The following ABCA13 variants were observed in gnomAD, a reference collection of about 807,000 sequenced individuals.
The protein encoded by ABCA13 is ATP binding cassette subfamily A member 13.
A neutral mutation model predicts 478.7 loss-of-function variants in ABCA13; 476 were observed. The observed-to-expected ratio is 0.99, with a 90% CI of 0.92 to 1.07. The LOEUF is 1.07. Among genes scored for constraint, ABCA13 ranks in the 50% least tolerant of loss-of-function variants. The pLI, the probability that ABCA13 is intolerant of heterozygous loss-of-function variation, is 0.00. For synonymous variants in ABCA13, 2,252 were observed against 2,158.9 expected, an observed-to-expected ratio of 1.04 and a Z score of -1.20; for missense variants, 6,060 against 5,910.6, an observed-to-expected ratio of 1.03 and a Z score of -0.83.
intron 22 of ABCA13, among the ~76,000 whole-genome samples, chr7:48,297,940 AT>A (rs35586036): frequency 0.36 from 47,850 of 131,112 alleles, 7,957 homozygotes; most frequent in East Asian, 0.55. Context: ...ATGCCCGGCT[AT>A]TTTTTTTTTT....
At chr7:48,198,450 G>A in intron 3 of ABCA13, 90 bp downstream of exon 3, 1 of 1,466,244 alleles carries the variant, frequency 6.8e-7, no homozygotes, top group Non-Finnish European at 9.3e-7. Context: ...CAATAATTTG[G>A]GATAGGTCAG....
chr7:48,567,792 G>T (rs916580111), intron 55 of ABCA13, among the ~76,000 whole-genome samples: 4 of 151,704 alleles, frequency 2.6e-5, no homozygotes, highest in African/African-American at 9.7e-5. Flanking sequence ...TTACTTGTTT[G>T]TGAATTTTAT....
rs1388882446 is a variant in ABCA13, at chr7:48,245,525, C to G, written c.1404C>G (p.Cys468Trp). ...NLHFVQEVLI[C>W]LETSANDFKW... Reference sequence around the variant, plus strand: ...TCTACTTTGCAGAAGTCCTCATTTGCCTGGAGACATCAGCTAATGATTTTA... The same window carrying G: ...TCTACTTTGCAGAAGTCCTCATTTGGCTGGAGACATCAGCTAATGATTTTA... Residue 468 changes from cysteine (C) to tryptophan (W), a missense_variant, in exon 12 of 62, where the codon TGC (cysteine) becomes TGG (tryptophan). This residue lies in a region of ABCA13 where 4,423 missense variants were observed against 4,309.1 expected (regional missense o/e 1.03). Coordinates refer to ENST00000435803, the MANE Select transcript of ABCA13 (RefSeq NM_152701.5). The G allele has an allele frequency of 1.9e-6, 3 of 1,611,158 alleles. No individual in the cohort carries two copies. The highest frequency in any genetic ancestry group is 1.7e-6 in the Non-Finnish European group (2 of 1,179,036).
At chr7:48,393,842 A>G (rs1816434373) in intron 38 of ABCA13, among the ~76,000 whole-genome samples, 1 of 152,182 alleles carries the variant, frequency 6.6e-6, no homozygotes, top group Non-Finnish European at 1.5e-5. Context: ...TCCAGGTGCC[A>G]TTGCTTGCTT....
intron 57 of ABCA13, 108 bp downstream of exon 57, chr7:48,587,396 GGT>G: frequency 7.8e-7 from 1 of 1,286,550 alleles, no homozygotes; most frequent in Middle Eastern, 2.1e-4. Context: ...TTGCAAAGCT[GGT>G]TCTACAAACT....
rs758161119 is a variant in ABCA13 at position 48,403,727 on chromosome 7, C to T, written c.11918C>T (p.Thr3973Ile). The change falls in exon 39 of 62, where the codon ACC becomes ATC. Residue 3973 changes from threonine to isoleucine, a missense_variant. Around this residue, in one of 3 missense-constraint regions of ABCA13, gnomAD observed 1,627 missense variants for 1,571.0 expected, o/e 1.04. Transcript: ENST00000435803. Reference sequence around the variant, plus strand: ...TTAACTCAGCATCAGCACAAACAGACCCGAGCTCTGTCTGGAGGCCTGAAG... The same window carrying T: ...TTAACTCAGCATCAGCACAAACAGATCCGAGCTCTGTCTGGAGGCCTGAAG... ...VDLTQHQHKQ[T>I]RALSGGLKRK... is the part of the protein sequence containing the mutation. 1 of 1,613,998 alleles carries T rather than the reference C, an allele frequency of 6.2e-7. No individual in the cohort carries two copies. Among genetic ancestry groups the T allele is most frequent in the Non-Finnish European group, 8.5e-7 (1 of 1,179,870 alleles).
intron 41 of ABCA13, among the ~76,000 whole-genome samples, chr7:48,424,935 G>T (rs996115771): frequency 2.0e-5 from 3 of 152,180 alleles, no homozygotes; most frequent in Non-Finnish European, 4.4e-5. Context: ...GAGCCTCCCG[G>T]ACAGCCTGCC....
intron 55 of ABCA13, among the ~76,000 whole-genome samples, chr7:48,529,196 T>C (rs911542084): frequency 6.6e-5 from 10 of 152,222 alleles, no homozygotes; most frequent in Non-Finnish European, 1.0e-4. Flanking sequence ...TCTAAACCTC[T>C]CTGTGCTCAA....
rs1792381508 is a variant in ABCA13, at chr7:48,614,760, T to A, written c.14745-525T>A. Reference sequence around the variant, plus strand: ...GGGACATGGATGAAATTGGAAATCATCATTCTGAGTAAACTATCGCAAGAA... The same window carrying A: ...GGGACATGGATGAAATTGGAAATCAACATTCTGAGTAAACTATCGCAAGAA... On this transcript the variant is annotated intron_variant, in intron 58 of 61. Transcript: ENST00000435803. Among the ~76,000 whole-genome samples the A allele has an allele frequency of 2.0e-5, 3 of 150,202 alleles. No individual in the cohort carries two copies. In the South Asian group the frequency reaches 6.4e-4, roughly 32 times the overall value.
chr7:48,575,725 G>A (rs752232486), intron 55 of ABCA13, among the ~76,000 whole-genome samples: 3 of 152,170 alleles, frequency 2.0e-5, no homozygotes, highest in Non-Finnish European at 4.4e-5. Flanking sequence ...GTACTGAGTT[G>A]TGGCTTTTGG....
chr7:48,581,215 A>AG (rs1788678351), intron 56 of ABCA13, among the ~76,000 whole-genome samples: 2 of 152,080 alleles, frequency 1.3e-5, no homozygotes, highest in Non-Finnish European at 2.9e-5. Flanking sequence ...GGAGAGGGAA[A>AG]ATTCTAGGAC....
rs926386977 is a variant in ABCA13 at position 48,428,522 on chromosome 7, A to AT, written c.12565+654dup. Among the ~76,000 whole-genome samples, 56 of 152,248 alleles carry AT rather than the reference A, an allele frequency of 3.7e-4. 1 individual carries two copies. Among genetic ancestry groups the AT allele is most frequent in the African/African-American group, 1.3e-3 (55 of 41,564 alleles). On this transcript the variant is annotated intron_variant, in intron 42 of 61. Transcript: ENST00000435803. ...TAAATCTAAGAGCTTTCCTTCAGAG[A>AT]TTTCAGTCTACTAGGCACATGAACC... is the stretch of plus-strand genomic sequence containing the variant.
At chr7:48,445,242 C>G (rs954065624) in intron 42 of ABCA13, among the ~76,000 whole-genome samples, 4 of 152,134 alleles carry the variant, frequency 2.6e-5, no homozygotes, top group African/African-American at 4.8e-5. Flanking sequence ...CTCCTGACCT[C>G]AGGTGATCCA....
intron 41 of ABCA13, among the ~76,000 whole-genome samples, chr7:48,423,470 T>C (rs1202281494): frequency 6.6e-6 from 1 of 152,168 alleles, no homozygotes; most frequent in Non-Finnish European, 1.5e-5. Flanking sequence ...ACACTTTAAG[T>C]GTAGATCATA....
intron 55 of ABCA13, among the ~76,000 whole-genome samples, chr7:48,550,343 C>T (rs1272539930): frequency 6.7e-6 from 1 of 149,750 alleles, no homozygotes; most frequent in African/African-American, 2.5e-5. Flanking sequence ...TGCAACCTCT[C>T]CCCAACCTGA....
At chr7:48,483,770 T>C (rs573234394) in intron 47 of ABCA13, among the ~76,000 whole-genome samples, 4 of 152,286 alleles carry the variant, frequency 2.6e-5, no homozygotes, top group Admixed American at 6.5e-5. Context: ...GAGTTGTTAT[T>C]TAAGGAAAAA....
chr7:48,278,079 T>C lies in ABCA13; in HGVS notation c.6900-15T>C, dbSNP rs1796538522. The C allele has an allele frequency of 1.0e-6, 1 of 959,264 alleles. No homozygotes were observed. The highest frequency in any genetic ancestry group is 1.4e-6 in the Non-Finnish European group (1 of 704,162). 59.4% of individuals were successfully genotyped at this position (959,264 alleles called of 1,614,324 possible). On this transcript the variant is annotated splice_polypyrimidine_tract_variant and intron_variant, in intron 17 of 61. Transcript: ENST00000435803. ...AAAAATTAAATTAAAAGTATATATA[T>C]ATATATATTTACAGTTTTGTCCCAA... is the stretch of plus-strand genomic sequence containing the variant.
In ABCA13 at chr7:48,275,762, A is replaced by G. The variant is rs1378599586; in HGVS notation, c.6096A>G (p.Ala2032=). ...CTTTATTCATGATGCTCCAGAATGCAAATGTCACAGGTAGCAGTTTAGAAG... is the reference window on the plus strand; with the variant it reads ...CTTTATTCATGATGCTCCAGAATGCGAATGTCACAGGTAGCAGTTTAGAAG... ...LLSLFMMLQN[A]NVTGSSLEAL... is the part of the protein sequence containing the mutation. The change falls in exon 17 of 62, where the codon GCA becomes GCG. Residue 2032 remains alanine, a synonymous_variant. Transcript: ENST00000435803. 2 of 1,610,808 alleles carry G rather than the reference A, an allele frequency of 1.2e-6. No homozygotes were observed. Among genetic ancestry groups the G allele is most frequent in the South Asian group, 1.1e-5 (1 of 90,614 alleles).
chr7:48,354,557 C>T (rs1809587985), intron 31 of ABCA13, among the ~76,000 whole-genome samples: 1 of 151,976 alleles, frequency 6.6e-6, no homozygotes, highest in African/African-American at 2.4e-5. Context: ...GAGAAACATT[C>T]CAGCCTAAAA....
Sources: gnomAD v4.1 joint callset for allele counts (sites outside exome capture counted in the v4.1 genomes callset) on GRCh38, gnomAD v4.1.1 for gene constraint, gnomAD v4.1.1 regional missense constraint, MANE v1.5 for transcripts, NCBI Gene and HGNC (gene_info 2026-07-23, HGNC 2026-07-21) for gene names.